The following JAM3 variants were observed in gnomAD, a reference collection of about 807,000 sequenced individuals.
JAM3 encodes junctional adhesion molecule C.
JAM3 carries 31 observed loss-of-function variants against 39.4 expected under a neutral mutation model. The observed-to-expected ratio is 0.79, with a 90% CI of 0.59 to 1.06. The LOEUF (loss-of-function observed/expected upper bound fraction) is 1.06. Among genes scored for constraint, JAM3 ranks in the 50% least tolerant of loss-of-function variants. The pLI, the probability that JAM3 is intolerant of heterozygous loss-of-function variation, is 0.00. For synonymous variants in JAM3, 182 were observed against 148.7 expected (o/e 1.22, Z -1.63); for missense variants, 455 against 391.4 (o/e 1.16, Z -1.37).
intron 1 of JAM3, among the ~76,000 whole-genome samples, chr11:134,125,600 CCT>C (rs1485229387): frequency 1.3e-5 from 2 of 152,266 alleles, no homozygotes; most frequent in Admixed American, 6.5e-5. Flanking sequence ...CATCCGATCC[CCT>C]GTCTGGGACA....
In JAM3 at chr11:134,121,434, ATTTCC is replaced by A. The variant is rs201514227; in HGVS notation, c.77-18415_77-18411del. The stretch of plus-strand genomic sequence containing the variant: ...AGCAGAAGCGAGTCAGTATTTCCTC[ATTTCC>A]TCTCCTGCCTTATCATTCCCATCTG... On this transcript the variant is annotated intron_variant, in intron 1 of 8. Coordinates refer to ENST00000299106, the MANE Select transcript of JAM3 (RefSeq NM_032801.5). Among the ~76,000 whole-genome samples the A allele has an allele frequency of 8.0e-3, 1,216 of 151,354 alleles. 13 individuals are homozygous for A. The highest frequency in any genetic ancestry group is 0.029 in the African/African-American group (1,177 of 41,198).
intron 1 of JAM3, among the ~76,000 whole-genome samples, chr11:134,070,755 A>C (rs1292437129): frequency 1.3e-5 from 2 of 152,218 alleles, no homozygotes; most frequent in Non-Finnish European, 2.9e-5. Flanking sequence ...TCAGGAATGA[A>C]TTTCAACTTG....
rs563618432 is a variant in JAM3, at chr11:134,092,202, A to G, written c.76+23043A>G. 8.5e-5 allele frequency among the ~76,000 whole-genome samples: 13 copies of G among 152,092 alleles called. No individual in the cohort carries two copies. In the East Asian group the frequency reaches 2.5e-3, roughly 29 times the overall value. ...CCTTGGCTCACTTTCATTTTCCCAC[A>G]CATGCCCAGAGCTGTTGCGTGTGCT... On this transcript the variant is annotated intron_variant, in intron 1 of 8. Coordinates refer to ENST00000299106, the MANE Select transcript of JAM3 (RefSeq NM_032801.5).
intron 1 of JAM3, among the ~76,000 whole-genome samples, chr11:134,102,906 G>A (rs1942103249): frequency 6.6e-6 from 1 of 152,162 alleles, no homozygotes; most frequent in Non-Finnish European, 1.5e-5. Flanking sequence ...TGAAAGTGAT[G>A]GGGAGAATGG....
intron 1 of JAM3, among the ~76,000 whole-genome samples, chr11:134,079,452 T>C (rs1468803231): frequency 6.6e-6 from 1 of 152,186 alleles, no homozygotes; most frequent in African/African-American, 2.4e-5. Context: ...AGGTGCCGTC[T>C]GATGTAATGT....
intron 1 of JAM3, among the ~76,000 whole-genome samples, chr11:134,126,066 C>T (rs888732801): frequency 6.6e-6 from 1 of 152,148 alleles, no homozygotes; most frequent in Admixed American, 6.5e-5. Context: ...TGTGAAAATT[C>T]GTGTTCTGTA....
At chr11:134,144,650 C>G in intron 4 of JAM3, 142 bp from the exon 5 acceptor site, 1 of 860,004 alleles carries the variant, frequency 1.2e-6, no homozygotes, top group Admixed American at 1.9e-5. Flanking sequence ...GCTTGTCAGT[C>G]TGCAGTTGTG....
chr11:134,149,079 T>A, intron 8 of JAM3, 67 bp from the exon 9 acceptor site: 1 of 1,576,748 alleles, frequency 6.3e-7, no homozygotes, highest in South Asian at 1.1e-5. Flanking sequence ...ATGTTAGACT[T>A]ACTCCGTGTT....
chr11:134,127,528 G>A (rs1239763802), intron 1 of JAM3, among the ~76,000 whole-genome samples: 8 of 152,190 alleles, frequency 5.3e-5, no homozygotes, highest in Admixed American at 2.0e-4. Flanking sequence ...GTGAAACCCC[G>A]TTTCTATTAA....
chr11:134,146,095 G>A, intron 6 of JAM3, 50 bp downstream of exon 6: 1 of 1,228,568 alleles, frequency 8.1e-7, no homozygotes. Flanking sequence ...GAAGTGAATA[G>A]AACATTTTAA....
chr11:134,129,610 G>GT, intron 1 of JAM3, among the ~76,000 whole-genome samples: 1 of 152,178 alleles, frequency 6.6e-6, no homozygotes, highest in Non-Finnish European at 1.5e-5. Context: ...CTTCTAAAAT[G>GT]TTTAACTTAC....
chr11:134,075,225 A>G (rs1941546774), intron 1 of JAM3, among the ~76,000 whole-genome samples: 1 of 152,190 alleles, frequency 6.6e-6, no homozygotes, highest in South Asian at 2.1e-4. Context: ...CTGTGGGTTT[A>G]GAAGTGAGAG....
Position 134,149,227 on chromosome 11 carries a change from C to G in JAM3, c.*46C>G, listed in dbSNP as rs1565508258. 2 of 1,611,974 alleles carry G rather than the reference C, an allele frequency of 1.2e-6. No individual in the cohort carries two copies. Among genetic ancestry groups the G allele is most frequent in the Non-Finnish European group, 1.7e-6 (2 of 1,178,188 alleles). On this transcript the variant is annotated 3_prime_UTR_variant, in exon 9 of 9. Coordinates refer to ENST00000299106, the MANE Select transcript of JAM3 (RefSeq NM_032801.5). ...GCGCACAGAGCGCACGTGCACATAC[C>G]TCTGCTAGAAACTCCTGTCAAGGCA...
chr11:134,116,694 C>G (rs1422111360), intron 1 of JAM3, among the ~76,000 whole-genome samples: 1 of 151,392 alleles, frequency 6.6e-6, no homozygotes, highest in Non-Finnish European at 1.5e-5. Flanking sequence ...GAAACTAGAC[C>G]TGGGTACTAG....
At chr11:134,082,319 A>C (rs2120597697) in intron 1 of JAM3, among the ~76,000 whole-genome samples, 1 of 152,260 alleles carries the variant, frequency 6.6e-6, no homozygotes, top group East Asian at 1.9e-4. Flanking sequence ...AATGAGCTAA[A>C]CTTTTGGGGG....
At position 134,138,529 on chromosome 11, in the gene JAM3, C is replaced by T. The variant is rs528613327; in HGVS notation, c.77-1322C>T. 1.7e-3 allele frequency among the ~76,000 whole-genome samples: 255 copies of T among 152,298 alleles called. 1 individual carries two copies. Among genetic ancestry groups the T allele is most frequent in the Non-Finnish European group, 2.6e-3 (176 of 68,032 alleles). On this transcript the variant is annotated intron_variant, in intron 1 of 8. Transcript: ENST00000299106. The stretch of plus-strand genomic sequence containing the variant: ...TTGTGGCCACTTTCCTTAGAAGGAG[C>T]CCGTGTGGCCTTGGTAGAGACTCGG...
chr11:134,079,277 T>C (rs888340513), intron 1 of JAM3, among the ~76,000 whole-genome samples: 4 of 152,184 alleles, frequency 2.6e-5, no homozygotes, highest in African/African-American at 4.8e-5. Flanking sequence ...TGGAGAATTA[T>C]AGCTATTCCA....
chr11:134,070,454 G>A (rs1433589415), intron 1 of JAM3, among the ~76,000 whole-genome samples: 3 of 152,170 alleles, frequency 2.0e-5, no homozygotes, highest in Non-Finnish European at 2.9e-5. Flanking sequence ...TTATGCTAAT[G>A]GGATGCTCGT....
intron 1 of JAM3, among the ~76,000 whole-genome samples, chr11:134,098,181 C>T (rs11223689): frequency 1.3e-5 from 2 of 152,026 alleles, no homozygotes; most frequent in Non-Finnish European, 2.9e-5. Context: ...CTAGCCATTC[C>T]TTTTACTGTG....
Sources: gnomAD v4.1 joint callset for allele counts (sites outside exome capture counted in the v4.1 genomes callset) on GRCh38, gnomAD v4.1.1 for gene constraint, MANE v1.5 for transcripts, NCBI Gene and HGNC (gene_info 2026-07-23, HGNC 2026-07-21) for gene names.